The following TSPAN15 variants were observed in gnomAD, a reference collection of about 807,000 sequenced individuals.
TSPAN15 encodes tetraspanin-15.
A neutral mutation model predicts 34.5 loss-of-function variants in TSPAN15; 20 were observed. The ratio of observed to expected loss-of-function variants is 0.58; its 90% CI spans 0.41 to 0.84. The LOEUF is 0.84. Among genes scored for constraint, TSPAN15 ranks in the 40% least tolerant of loss-of-function variants. The pLI is 0.00. For missense variants in TSPAN15, 313 were observed against 386.1 expected (o/e 0.81, Z 1.59); for synonymous variants, 155 against 153.9 (o/e 1.01, Z -0.05).
the TSPAN15 span, among the ~76,000 whole-genome samples, chr10:69,513,970 C>G: frequency 1.3e-5 from 2 of 152,218 alleles, no homozygotes; most frequent in African/African-American, 4.8e-5. Context: ...ACATCCTTGA[C>G]TTGGTCCTGA....
the TSPAN15 span, among the ~76,000 whole-genome samples, chr10:69,530,818 C>CTATATA: frequency 4.5e-4 from 19 of 42,556 alleles, no homozygotes; most frequent in South Asian, 8.9e-4. Context: ...CTCTCTCTCT[C>CTATATA]TCTATATATA....
At chr10:69,517,369 C>T in the TSPAN15 span, among the ~76,000 whole-genome samples, 1 of 152,250 alleles carries the variant, frequency 6.6e-6, no homozygotes, top group Non-Finnish European at 1.5e-5. Flanking sequence ...GGGGCCCAGA[C>T]CAACACCATC....
At chr10:69,547,862 C>T in the TSPAN15 span, among the ~76,000 whole-genome samples, 1 of 152,048 alleles carries the variant, frequency 6.6e-6, no homozygotes, top group Admixed American at 6.5e-5. Flanking sequence ...TGGCAGAAAG[C>T]TATGAGCTTA....
At chr10:69,519,925 T>C in the TSPAN15 span, among the ~76,000 whole-genome samples, 4 of 152,026 alleles carry the variant, frequency 2.6e-5, no homozygotes, top group African/African-American at 9.7e-5. Flanking sequence ...AGAGATGGGG[T>C]TTCTCCATGT....
chr10:69,471,362 A>G (rs1841501279), intron 1 of TSPAN15, among the ~76,000 whole-genome samples: 1 of 151,928 alleles, frequency 6.6e-6, no homozygotes, highest in Admixed American at 6.6e-5. Flanking sequence ...GCACCTGAAC[A>G]CTCGATGTGG....
rs924193505 is a variant in TSPAN15, at chr10:69,461,571, C to A, written c.96+9881C>A. ...CCTACCAGAGGGTTGGCCATGCTGA[C>A]CTCTCCGGCTGTGCTGGGTGCAGTG... On this transcript the variant is annotated intron_variant, in intron 1 of 7. Coordinates refer to ENST00000373290, the MANE Select transcript of TSPAN15 (RefSeq NM_012339.5). Among the ~76,000 whole-genome samples the A allele has an allele frequency of 4.6e-5, 7 of 152,322 alleles. No individual in the cohort carries two copies. In the East Asian group the frequency reaches 1.4e-3, roughly 29 times the overall value.
At chr10:69,492,337 C>T (rs1472027028) in intron 3 of TSPAN15, among the ~76,000 whole-genome samples, 2 of 152,220 alleles carry the variant, frequency 1.3e-5, no homozygotes, top group African/African-American at 4.8e-5. Flanking sequence ...CTCACGGGAT[C>T]TTCTCACACA....
intron 1 of TSPAN15, among the ~76,000 whole-genome samples, chr10:69,458,237 C>T (rs960416624): frequency 4.7e-5 from 7 of 149,632 alleles, no homozygotes; most frequent in African/African-American, 1.5e-4. Flanking sequence ...AAAGAAAGCA[C>T]TTCTCTGGAG....
At chr10:69,522,400 A>G in the TSPAN15 span, among the ~76,000 whole-genome samples, 1 of 132,388 alleles carries the variant, frequency 7.6e-6, no homozygotes, top group African/African-American at 2.8e-5. Context: ...AAAAAAAAAA[A>G]GAAGGTCAAT....
the TSPAN15 span, among the ~76,000 whole-genome samples, chr10:69,525,483 TA>T: frequency 0.41 from 48,615 of 118,032 alleles, 11,606 homozygotes; most frequent in African/African-American, 0.57. Flanking sequence ...CCTCATCTCT[TA>T]AAAAAAAAAA....
At position 69,451,468 on chromosome 10, in the gene TSPAN15, A is replaced by G; in HGVS notation, c.-127A>G. On this transcript the variant is annotated 5_prime_UTR_variant, in exon 1 of 8. Transcript: ENST00000373290. ...GCTGTGATTGCCGCGCTCCAGTGTC[A>G]GTCCCGGAGAGAACGCCGGTGGCGG... is the stretch of plus-strand genomic sequence containing the variant. 2 of 1,272,248 alleles carry G rather than the reference A, an allele frequency of 1.6e-6. No individual in the cohort carries two copies. 78.8% of individuals were successfully genotyped at this position (1,272,248 alleles called of 1,614,324 possible).
At chr10:69,534,052 A>G in the TSPAN15 span, among the ~76,000 whole-genome samples, 2 of 152,342 alleles carry the variant, frequency 1.3e-5, no homozygotes, top group South Asian at 4.1e-4. Flanking sequence ...AGAAAAATAA[A>G]AATTCTCTGG....
intron 1 of TSPAN15, among the ~76,000 whole-genome samples, chr10:69,463,953 T>C (rs1841326924): frequency 6.6e-6 from 1 of 152,180 alleles, no homozygotes; most frequent in South Asian, 2.1e-4. Context: ...GAGTGTGCCA[T>C]AAATCCAGTG....
At chr10:69,456,790 A>T (rs1464252319) in intron 1 of TSPAN15, among the ~76,000 whole-genome samples, 1 of 152,152 alleles carries the variant, frequency 6.6e-6, no homozygotes, top group African/African-American at 2.4e-5. Context: ...TGAACGAGGA[A>T]AGCTCAGTCT....
At chr10:69,496,318 TGCAATAATAATAATAATA>T (rs1173195355) in intron 4 of TSPAN15, among the ~76,000 whole-genome samples, 15 of 106,360 alleles carry the variant, frequency 1.4e-4, no homozygotes, top group African/African-American at 5.7e-4. Context: ...AATCTGTTGG[TGCAATAATAATAATAATA>T]ATAATAATAA....
At position 69,467,637 on chromosome 10, in the gene TSPAN15, AACACACAC is replaced by A. The variant is rs36028041; in HGVS notation, c.96+15978_96+15985del. ...TCCTCTAAACAAAACAAAACAAAAC[AACACACAC>A]ACACACACACACACACACACACACA... On this transcript the variant is annotated intron_variant, in intron 1 of 7. Coordinates refer to ENST00000373290, the MANE Select transcript of TSPAN15 (RefSeq NM_012339.5). Among the ~76,000 whole-genome samples the A allele has an allele frequency of 5.1e-5, 4 of 78,102 alleles. No individual in the cohort carries two copies. In the East Asian group the frequency reaches 8.5e-4, roughly 17 times the overall value. 51.2% of individuals were successfully genotyped at this position (78,102 alleles called of 152,430 possible).
intron 1 of TSPAN15, among the ~76,000 whole-genome samples, chr10:69,459,105 C>CAAAAAAAAAAAAAAAAAA (rs1259881929): frequency 1.7e-5 from 1 of 57,734 alleles, no homozygotes; most frequent in East Asian, 5.1e-4. Context: ...ACAAAACAGA[C>CAAAAAAAAAAAAAAAAAA]AAAAAAAAAA....
At chr10:69,456,394 C>G (rs1029206346) in intron 1 of TSPAN15, among the ~76,000 whole-genome samples, 2 of 152,068 alleles carry the variant, frequency 1.3e-5, no homozygotes, top group Non-Finnish European at 2.9e-5. Flanking sequence ...GCCTAAACTT[C>G]CTTTTTAAAC....
chr10:69,496,516 C>G (rs918122916), intron 4 of TSPAN15, among the ~76,000 whole-genome samples: 5 of 152,176 alleles, frequency 3.3e-5, no homozygotes, highest in East Asian at 1.9e-4. Flanking sequence ...TGACTTAATT[C>G]AGGAGACGTG....
Sources: gnomAD v4.1 joint callset for allele counts (sites outside exome capture counted in the v4.1 genomes callset) on GRCh38, gnomAD v4.1.1 for gene constraint, MANE v1.5 for transcripts, NCBI Gene and HGNC (gene_info 2026-07-23, HGNC 2026-07-21) for gene names.